TAFA1: variants seen among roughly 807,000 people sequenced by gnomAD.
TAFA1 encodes the protein TAFA chemokine like family member 1.
TAFA1 carries 4 observed loss-of-function variants against 18.5 expected under a neutral mutation model. That is an observed-to-expected ratio of 0.22 (90% CI 0.11 to 0.49). The LOEUF (loss-of-function observed/expected upper bound fraction) is 0.49, where lower values mean the gene tolerates loss of function less well. TAFA1 is among the 20% of genes least tolerant of loss of function. The probability of loss-of-function intolerance (pLI) is 0.98; values close to 1 mark genes in which losing one functional copy is unlikely to be tolerated. For missense variants in TAFA1, 147 were observed against 169.0 expected (o/e 0.87, Z 0.72); for synonymous variants, 56 against 55.2 (o/e 1.01, Z -0.06).
chr3:68,348,980 A>G (rs921806269), intron 2 of TAFA1, among the ~76,000 whole-genome samples: 1 of 151,730 alleles, frequency 6.6e-6, no homozygotes, highest in Non-Finnish European at 1.5e-5. Flanking sequence ...TGCTTCTAAA[A>G]CAAACTGGTT....
intron 2 of TAFA1, among the ~76,000 whole-genome samples, chr3:68,072,645 C>T (rs1026780512): frequency 1.3e-5 from 2 of 152,044 alleles, no homozygotes; most frequent in African/African-American, 4.8e-5. Context: ...GGACGACGAG[C>T]CAGGTTTCTG....
chr3:68,396,553 T>C (rs1033606279), intron 2 of TAFA1, among the ~76,000 whole-genome samples: 1 of 152,232 alleles, frequency 6.6e-6, no homozygotes, highest in Non-Finnish European at 1.5e-5. Flanking sequence ...AGTAGATGGT[T>C]CCTTCTCATT....
chr3:68,430,712 C>T (rs1376263168), intron 3 of TAFA1, among the ~76,000 whole-genome samples: 1 of 151,956 alleles, frequency 6.6e-6, no homozygotes, highest in Non-Finnish European at 1.5e-5. Context: ...TACCAGCCTC[C>T]ACACATGTTG....
intron 2 of TAFA1, among the ~76,000 whole-genome samples, chr3:68,182,837 G>C (rs2066221265): frequency 6.6e-6 from 1 of 152,112 alleles, no homozygotes. Flanking sequence ...ATAATGTCAT[G>C]TTTTATGGAT....
At chr3:68,386,903 TGCA>T (rs1308344251) in intron 2 of TAFA1, among the ~76,000 whole-genome samples, 1 of 152,174 alleles carries the variant, frequency 6.6e-6, no homozygotes, top group Admixed American at 6.6e-5. Flanking sequence ...GAGATCAATT[TGCA>T]AGACTCTTTA....
chr3:68,293,966 T>C (rs1312464651), intron 2 of TAFA1, among the ~76,000 whole-genome samples: 1 of 152,208 alleles, frequency 6.6e-6, no homozygotes, highest in Non-Finnish European at 1.5e-5. Context: ...GCAAAGCTAT[T>C]GATTAAGATT....
chr3:68,532,525 C>A (rs2073206137), intron 3 of TAFA1, among the ~76,000 whole-genome samples: 1 of 152,020 alleles, frequency 6.6e-6, no homozygotes, highest in African/African-American at 2.4e-5. Context: ...AAATCATCCC[C>A]AAAAAACACA....
chr3:68,287,187 T>C (rs554942063), intron 2 of TAFA1, among the ~76,000 whole-genome samples: 23 of 152,290 alleles, frequency 1.5e-4, no homozygotes, highest in African/African-American at 5.3e-4. Context: ...AATTGAATTA[T>C]CACCTTCCTG....
chr3:68,445,255 T>C (rs2071455419), intron 3 of TAFA1, among the ~76,000 whole-genome samples: 1 of 152,212 alleles, frequency 6.6e-6, no homozygotes, highest in Non-Finnish European at 1.5e-5. Context: ...CTGCCATTTT[T>C]ATTTTTGCAT....
intron 2 of TAFA1, among the ~76,000 whole-genome samples, chr3:68,332,482 G>T (rs1193381251): frequency 1.3e-5 from 2 of 152,156 alleles, no homozygotes; most frequent in African/African-American, 4.8e-5. Context: ...GCAACCTGAA[G>T]AATGAGAGAA....
At chr3:68,300,910 T>C (rs1262094561) in intron 2 of TAFA1, among the ~76,000 whole-genome samples, 2 of 152,168 alleles carry the variant, frequency 1.3e-5, no homozygotes, top group African/African-American at 4.8e-5. Context: ...TCCCCAGCCA[T>C]GCTAAATTGT....
chr3:68,479,348 C>T (rs181280948), intron 3 of TAFA1, among the ~76,000 whole-genome samples: 85 of 151,620 alleles, frequency 5.6e-4, no homozygotes, highest in Admixed American at 1.2e-3. Flanking sequence ...CATATTTCCA[C>T]TCTGTATAAA....
At chr3:68,298,776 C>T (rs1248514221) in intron 2 of TAFA1, among the ~76,000 whole-genome samples, 1 of 152,184 alleles carries the variant, frequency 6.6e-6, no homozygotes, top group Non-Finnish European at 1.5e-5. Context: ...TTGTAAGTTT[C>T]CTGAAGCCTC....
At chr3:68,227,787 A>T (rs932386476) in intron 2 of TAFA1, among the ~76,000 whole-genome samples, 2 of 152,206 alleles carry the variant, frequency 1.3e-5, no homozygotes, top group Admixed American at 6.5e-5. Flanking sequence ...GTGTGAATTT[A>T]TCACTCAATA....
At chr3:68,544,455 C>T (rs760342461) in intron 4 of TAFA1, 31 bp from the exon 5 acceptor site, 8 of 1,610,882 alleles carry the variant, frequency 5.0e-6, no homozygotes, top group South Asian at 2.2e-5. Flanking sequence ...GCACTGTTCT[C>T]CCTGAAATGT....
chr3:68,069,882 G>C (rs773962626), intron 2 of TAFA1, among the ~76,000 whole-genome samples: 16 of 152,244 alleles, frequency 1.1e-4, no homozygotes, highest in South Asian at 2.1e-4. Flanking sequence ...AGGTCACACT[G>C]ATGCAAGAGG....
chr3:68,116,384 G>C (rs111399207), intron 2 of TAFA1, among the ~76,000 whole-genome samples: 125 of 152,294 alleles, frequency 8.2e-4, no homozygotes, highest in African/African-American at 2.9e-3. Flanking sequence ...TAAAGTGTAA[G>C]TATCTCAATC....
chr3:68,372,812 A>G (rs920335650), intron 2 of TAFA1, among the ~76,000 whole-genome samples: 2 of 152,242 alleles, frequency 1.3e-5, no homozygotes, highest in Admixed American at 6.5e-5. Context: ...CTATTTGGAA[A>G]AAAAAGTGAA....
intron 2 of TAFA1, among the ~76,000 whole-genome samples, chr3:68,136,947 G>A (rs59836861): frequency 3.3e-5 from 5 of 152,082 alleles, no homozygotes; most frequent in African/African-American, 7.2e-5. Context: ...AGGACTGTCA[G>A]CAGCCACTCA....
Sources: gnomAD v4.1 joint callset for allele counts (sites outside exome capture counted in the v4.1 genomes callset) on GRCh38, gnomAD v4.1.1 for gene constraint, MANE v1.5 for transcripts, NCBI Gene and HGNC (gene_info 2026-07-23, HGNC 2026-07-21) for gene names.